The following ADGRB3 variants were observed in gnomAD, a reference collection of about 807,000 sequenced individuals.
The protein encoded by ADGRB3 is adhesion G protein-coupled receptor B3.
ADGRB3 carries 37 observed loss-of-function variants against 193.4 expected under a neutral mutation model. The observed-to-expected ratio is 0.19, with a 90% CI of 0.15 to 0.25. ADGRB3 has a LOEUF of 0.25. Ranked by LOEUF, ADGRB3 falls within the 10% of genes least tolerant of loss-of-function variation. The pLI, the probability that ADGRB3 is intolerant of heterozygous loss-of-function variation, is 1.00. For synonymous variants in ADGRB3, 690 were observed against 644.2 expected, an observed-to-expected ratio of 1.07 and a Z score of -1.08; for missense variants, 1,637 against 1,852.9, an observed-to-expected ratio of 0.88 and a Z score of 2.14.
At chr6:69,174,829 G>T (rs1207912832) in intron 17 of ADGRB3, among the ~76,000 whole-genome samples, 1 of 152,148 alleles carries the variant, frequency 6.6e-6, no homozygotes, top group East Asian at 1.9e-4. Flanking sequence ...ATCTCATTGT[G>T]ATTTTGATTT....
intron 3 of ADGRB3, among the ~76,000 whole-genome samples, chr6:68,902,630 A>AT (rs1766427949): frequency 6.6e-6 from 1 of 152,124 alleles, no homozygotes; most frequent in East Asian, 1.9e-4. Context: ...GAAAAAGGCC[A>AT]TAAAAAAGCC....
intron 3 of ADGRB3, among the ~76,000 whole-genome samples, chr6:68,878,345 G>T (rs576685944): frequency 6.6e-6 from 1 of 151,622 alleles, no homozygotes; most frequent in African/African-American, 2.4e-5. Context: ...ATGTGTATTT[G>T]TTCATTTTGG....
intron 23 of ADGRB3, 159 bp from the exon 24 acceptor site, chr6:69,332,764 T>C (rs1347288483): frequency 9.1e-6 from 9 of 985,322 alleles, no homozygotes; most frequent in Non-Finnish European, 1.1e-5. Context: ...GTTAAATTGT[T>C]CCGTATGCCT....
chr6:68,748,444 C>A (rs1766127538), intron 3 of ADGRB3, among the ~76,000 whole-genome samples: 1 of 152,124 alleles, frequency 6.6e-6, no homozygotes, highest in East Asian at 1.9e-4. Flanking sequence ...AGAGTTCATG[C>A]AAGTCTGAAA....
chr6:69,157,551 C>T (rs1436305742), intron 17 of ADGRB3, among the ~76,000 whole-genome samples: 1 of 152,062 alleles, frequency 6.6e-6, no homozygotes, highest in East Asian at 1.9e-4. Flanking sequence ...TCCCAGACTT[C>T]ATTTCTGGGT....
intron 20 of ADGRB3, among the ~76,000 whole-genome samples, chr6:69,318,185 A>G (rs183762435): frequency 1.3e-5 from 2 of 151,502 alleles, no homozygotes; most frequent in African/African-American, 4.8e-5. Context: ...CTAGTATTTT[A>G]CTATTACAGA....
At chr6:68,787,886 G>T (rs981002422) in intron 3 of ADGRB3, among the ~76,000 whole-genome samples, 1 of 152,104 alleles carries the variant, frequency 6.6e-6, no homozygotes, top group East Asian at 1.9e-4. Flanking sequence ...GTCTTGGGAG[G>T]ATATATGTGT....
At chr6:68,911,536 G>A (rs1219600537) in intron 3 of ADGRB3, among the ~76,000 whole-genome samples, 2 of 152,148 alleles carry the variant, frequency 1.3e-5, no homozygotes, top group African/African-American at 2.4e-5. Flanking sequence ...AGCATGCTAT[G>A]CCCTCTGTCT....
intron 20 of ADGRB3, among the ~76,000 whole-genome samples, chr6:69,279,303 T>C (rs924744476): frequency 1.3e-5 from 2 of 151,790 alleles, no homozygotes; most frequent in Non-Finnish European, 2.9e-5. Flanking sequence ...GGCAACACAG[T>C]GCACTACGGA....
At chr6:68,940,597 A>C (rs1211699096) in intron 5 of ADGRB3, among the ~76,000 whole-genome samples, 2 of 35,522 alleles carry the variant, frequency 5.6e-5, no homozygotes, top group African/African-American at 2.1e-4. Flanking sequence ...ATATTCATTT[A>C]TTTCTTAAAA....
intron 3 of ADGRB3, among the ~76,000 whole-genome samples, chr6:68,660,986 A>G (rs1256722706): frequency 3.3e-5 from 5 of 150,646 alleles, no homozygotes; most frequent in African/African-American, 1.2e-4. Flanking sequence ...ATTTGTATGT[A>G]TTTATTTATA....
intron 3 of ADGRB3, among the ~76,000 whole-genome samples, chr6:68,773,217 G>A (rs191121488): frequency 2.9e-4 from 44 of 152,040 alleles, no homozygotes; most frequent in Admixed American, 2.4e-3. Context: ...AAGAAGTTGG[G>A]GTTTAAAGAA....
intron 3 of ADGRB3, among the ~76,000 whole-genome samples, chr6:68,708,901 A>G (rs1326249911): frequency 6.6e-6 from 1 of 152,106 alleles, no homozygotes; most frequent in African/African-American, 2.4e-5. Flanking sequence ...ACCTAATGTC[A>G]CTTTTTTTTT....
At chr6:68,829,091 C>CCTTTTTT (rs1767903918) in intron 3 of ADGRB3, among the ~76,000 whole-genome samples, 1 of 94,656 alleles carries the variant, frequency 1.1e-5, no homozygotes, top group African/African-American at 4.0e-5. Context: ...GTTTAAGTAA[C>CCTTTTTT]TTTTTTTTTT....
chr6:68,721,626 A>AT (rs1491201042), intron 3 of ADGRB3, among the ~76,000 whole-genome samples: 6 of 55,058 alleles, frequency 1.1e-4, no homozygotes, highest in African/African-American at 4.0e-4. Context: ...AAAGTATAAT[A>AT]AATATATATA....
intron 20 of ADGRB3, among the ~76,000 whole-genome samples, chr6:69,324,040 G>A (rs1768516955): frequency 6.6e-6 from 1 of 152,006 alleles, no homozygotes; most frequent in African/African-American, 2.4e-5. Context: ...ATAAAGACTT[G>A]CATTTCAACA....
chr6:68,828,122 A>G (rs964483397), intron 3 of ADGRB3, among the ~76,000 whole-genome samples: 2 of 152,206 alleles, frequency 1.3e-5, no homozygotes, highest in African/African-American at 2.4e-5. Context: ...CCTATTATGA[A>G]CTAAAAACAT....
chr6:69,064,957 G>A (rs1034606560), intron 16 of ADGRB3, among the ~76,000 whole-genome samples: 1 of 152,004 alleles, frequency 6.6e-6, no homozygotes, highest in Admixed American at 6.6e-5. Flanking sequence ...ATTTACAGAA[G>A]ATATAAACCA....
chr6:68,638,553 C>G, intron 2 of ADGRB3, 108 bp from the exon 3 acceptor site: 1 of 1,157,642 alleles, frequency 8.6e-7, no homozygotes, highest in Non-Finnish European at 1.2e-6. Context: ...TTAAAAAGGG[C>G]TTTTTACTGA....
Sources: gnomAD v4.1 joint callset for allele counts (sites outside exome capture counted in the v4.1 genomes callset) on GRCh38, gnomAD v4.1.1 for gene constraint, MANE v1.5 for transcripts, NCBI Gene and HGNC (gene_info 2026-07-23, HGNC 2026-07-21) for gene names.